Variants in ANKRD9 observed in about 807,000 individuals in gnomAD.
ANKRD9 encodes ankyrin repeat domain-containing protein 9.
In ANKRD9, 13 loss-of-function variants were observed where a neutral mutation model predicts 19.2. The observed-to-expected ratio is 0.68, with a 90% CI of 0.44 to 1.08. The LOEUF (loss-of-function observed/expected upper bound fraction) is 1.08. Ranked by LOEUF, ANKRD9 falls within the 50% of genes least tolerant of loss-of-function variation. ANKRD9 has a pLI of 0.00. For missense variants in ANKRD9, 518 were observed against 499.9 expected (o/e 1.04, Z -0.34); for synonymous variants, 278 against 256.8 (o/e 1.08, Z -0.79).
Position 102,507,569 on chromosome 14 carries a change from G to A in ANKRD9, c.321C>T (p.Phe107=). ...RRALAPPSAG[F]RCCAAPGPHV... The stretch of plus-strand genomic sequence containing the variant: ...GCGGCCCGGGAGCCGCGCAGCAGCG[G>A]AAGCCGGCACTGGGCGGTGCGAGCG... The change falls in exon 4 of 4, where the codon TTC becomes TTT. Residue 107 remains phenylalanine, a synonymous_variant. Transcript: ENST00000286918. This position sits in a 1 kb window ranked among gnomAD's most constrained non-coding sequence, Gnocchi z 9.2. 6 of 1,365,912 alleles carry A rather than the reference G, an allele frequency of 4.4e-6. No homozygotes were observed. The highest frequency in any genetic ancestry group is 5.7e-6 in the Non-Finnish European group (6 of 1,060,188). 84.6% of individuals were successfully genotyped at this position (1,365,912 alleles called of 1,614,324 possible).
In ANKRD9 at chr14:102,501,948, G is replaced by C. The variant is rs1011981191; in HGVS notation, c.*4988C>G. The C allele has an allele frequency of 6.6e-6, 1 of 152,244 alleles. No individual in the cohort carries two copies. The highest frequency in any genetic ancestry group is 1.5e-5 in the Non-Finnish European group (1 of 68,058). 9.4% of individuals were successfully genotyped at this position (152,244 alleles called of 1,614,324 possible). ...CCCTACTGGGGAAGCCGGTCCGTAC[G>C]TAGGCCTTGCATCTCGCCACCTCCA... is the stretch of plus-strand genomic sequence containing the variant. On this transcript the variant is annotated 3_prime_UTR_variant, in exon 4 of 4. Transcript: ENST00000286918.
At position 102,507,836 on chromosome 14, in the gene ANKRD9, G is replaced by C. The variant is rs762224370; in HGVS notation, c.54C>G (p.Ala18=). 3.8e-6 allele frequency: 5 copies of C among 1,318,644 alleles called. No homozygotes were observed. Among genetic ancestry groups the C allele is most frequent in the Non-Finnish European group, 4.9e-6 (5 of 1,018,700 alleles). 81.7% of individuals were successfully genotyped at this position (1,318,644 alleles called of 1,614,324 possible). A position where few individuals can be genotyped will look rare whatever the true frequency, so the allele number is the denominator to read the frequency against. The change falls in exon 4 of 4, where the codon GCC becomes GCG. Residue 18 remains alanine (A), a synonymous_variant. Coordinates refer to ENST00000286918, the MANE Select transcript of ANKRD9 (RefSeq NM_152326.4). This position sits in a 1 kb window ranked among gnomAD's most constrained non-coding sequence, Gnocchi z 9.2. The part of the protein sequence containing the change: ...PGGGADGGPE[A]SGAARSRAQK... Reference sequence around the variant, plus strand: ...GCGCTCGCGAGCGCGCCGCGCCCGAGGCCTCGGGCCCGCCGTCCGCGCCAC... The same window carrying C: ...GCGCTCGCGAGCGCGCCGCGCCCGACGCCTCGGGCCCGCCGTCCGCGCCAC...
rs1476652300 is a variant in ANKRD9 at position 102,507,852 on chromosome 14, T to G, written c.38A>C (p.Asp13Ala). The change falls in exon 4 of 4, where the codon GAC becomes GCC. Residue 13 changes from aspartate to alanine, a missense_variant. Physicochemically the swap from Asp to Ala is moderately radical, Grantham distance 126. Transcript: ENST00000286918. This position sits in a 1 kb window ranked among gnomAD's most constrained non-coding sequence, Gnocchi z 9.2. ...CGCGCCCGAGGCCTCGGGCCCGCCG[T>G]CCGCGCCACCCCCAGGCCGCCGCGC... ...WDARRPGGGA[D>A]GGPEASGAAR... is the part of the protein sequence containing the mutation. 5 of 1,235,576 alleles carry G rather than the reference T, an allele frequency of 4.0e-6. No individual in the cohort carries two copies. The highest frequency in any genetic ancestry group is 4.1e-6 in the Non-Finnish European group (4 of 974,818). The allele number at this position is 1,235,576 out of a possible 1,614,324, so 76.5% of individuals were successfully genotyped here.
rs763462832 is a variant in ANKRD9, at chr14:102,507,666, G to C, written c.224C>G (p.Ala75Gly). 1.9e-6 allele frequency: 3 copies of C among 1,554,008 alleles called. No individual in the cohort carries two copies. Among genetic ancestry groups the C allele is most frequent in the Admixed American group, 3.5e-5 (2 of 56,428 alleles). ...GRAAAYSPSE[A>G]LLYALVHDHQ... is the part of the protein sequence containing the mutation. The stretch of plus-strand genomic sequence containing the variant: ...GTCGTGCACGAGCGCGTAGAGCAGC[G>C]CCTCAGAGGGCGAGTAGGCGGCGGC... The change falls in exon 4 of 4, where the codon GCG (alanine) becomes GGG (glycine). Residue 75 changes from alanine to glycine, a missense_variant. Coordinates refer to ENST00000286918, the MANE Select transcript of ANKRD9 (RefSeq NM_152326.4). This position sits in a 1 kb window ranked among gnomAD's most constrained non-coding sequence, Gnocchi z 9.2.
chr14:102,507,567 C>T lies in ANKRD9; in HGVS notation c.323G>A (p.Arg108His), dbSNP rs1891650787. The change falls in exon 4 of 4, where the codon CGC becomes CAC. Residue 108 changes from arginine (R) to histidine (H), a missense_variant. Transcript: ENST00000286918. The surrounding 1 kb of genome is among the most constrained non-coding windows in gnomAD (Gnocchi z 9.2). ...RALAPPSAGF[R>H]CCAAPGPHVA... ...GTGCGGCCCGGGAGCCGCGCAGCAGCGGAAGCCGGCACTGGGCGGTGCGAG... is the reference window on the plus strand; with the variant it reads ...GTGCGGCCCGGGAGCCGCGCAGCAGTGGAAGCCGGCACTGGGCGGTGCGAG... 6.6e-6 allele frequency: 9 copies of T among 1,362,306 alleles called. No individual in the cohort carries two copies. The highest frequency in any genetic ancestry group is 4.8e-4 in the Middle Eastern group (2 of 4,156). The allele number at this position is 1,362,306 out of a possible 1,614,324, so 84.4% of individuals were successfully genotyped here.
chr14:102,507,098 C>T lies in ANKRD9; in HGVS notation c.792G>A (p.Glu264=), dbSNP rs1039341993. Residue 264 remains glutamate, a synonymous_variant, in exon 4 of 4, where the codon GAG becomes GAA. Coordinates refer to ENST00000286918, the MANE Select transcript of ANKRD9 (RefSeq NM_152326.4). The surrounding 1 kb of genome is among the most constrained non-coding windows in gnomAD (Gnocchi z 9.2). ...GGCCCGCCAGCCACTGGAACTTGTC[C>T]TCACCCAGCAGCCGCTGCCAGCGCG... is the stretch of plus-strand genomic sequence containing the variant. ...DRPRWQRLLG[E]DKFQWLAGLA... 2.0e-6 allele frequency: 3 copies of T among 1,536,636 alleles called. No homozygotes were observed. The highest frequency in any genetic ancestry group is 3.9e-5 in the Admixed American group (2 of 51,264).
chr14:102,507,525 C>A lies in ANKRD9; in HGVS notation c.365G>T (p.Arg122Leu). The stretch of plus-strand genomic sequence containing the variant: ...GCGCAGAATGCCCACGCGGTTGTAG[C>A]GCACTGCCAGCGCCACGTGCGGCCC... ...APGPHVALAV[R>L]YNRVGILRRI... The change falls in exon 4 of 4, where the codon CGC becomes CTC. Residue 122 changes from arginine to leucine, a missense_variant. Coordinates refer to ENST00000286918, the MANE Select transcript of ANKRD9 (RefSeq NM_152326.4). This position sits in a 1 kb window ranked among gnomAD's most constrained non-coding sequence, Gnocchi z 9.2. The A allele has an allele frequency of 7.4e-7, 1 of 1,349,612 alleles. No homozygotes were observed. Among genetic ancestry groups the A allele is most frequent in the African/African-American group, 1.6e-5 (1 of 64,468 alleles). The allele number at this position is 1,349,612 out of a possible 1,614,324, so 83.6% of individuals were successfully genotyped here. A position where few individuals can be genotyped will look rare whatever the true frequency, so the allele number is the denominator to read the frequency against.
chr14:102,509,744 G>A lies in ANKRD9; in HGVS notation c.-550C>T, dbSNP rs1337312011. 3 of 145,964 alleles carry A rather than the reference G, an allele frequency of 2.1e-5. No homozygotes were observed. Among genetic ancestry groups the A allele is most frequent in the Admixed American group, 6.8e-5 (1 of 14,704 alleles). 9.0% of individuals were successfully genotyped at this position (145,964 alleles called of 1,614,324 possible). A position where few individuals can be genotyped will look rare whatever the true frequency, so the allele number is the denominator to read the frequency against. On this transcript the variant is annotated 5_prime_UTR_variant, in exon 1 of 4. Transcript: ENST00000286918. ...CGGCGGCGGGCGGCGGGCGGCGGGC[G>A]GCGGGCGGCGCAGTGCGGCCCCGGC...
chr14:102,506,030 C>T lies in ANKRD9; in HGVS notation c.*906G>A, dbSNP rs1381110345. 5 of 150,576 alleles carry T rather than the reference C, an allele frequency of 3.3e-5. No individual in the cohort carries two copies. The highest frequency in any genetic ancestry group is 2.6e-4 in the Admixed American group (4 of 15,266). The allele number at this position is 150,576 out of a possible 1,614,324, so 9.3% of individuals were successfully genotyped here. A position where few individuals can be genotyped will look rare whatever the true frequency, so the allele number is the denominator to read the frequency against. Reference sequence around the variant, plus strand: ...AGTTGTGGTGAATTCGCAAACAAGTCTCCATCTCCAGAACCTTCCTGAAGA... The same window carrying T: ...AGTTGTGGTGAATTCGCAAACAAGTTTCCATCTCCAGAACCTTCCTGAAGA... On this transcript the variant is annotated 3_prime_UTR_variant, in exon 4 of 4. Transcript: ENST00000286918.
Position 102,507,673 on chromosome 14 carries a change from A to T in ANKRD9, c.217T>A (p.Ser73Thr). The part of the protein sequence containing the change: ...ERGRAAAYSP[S>T]EALLYALVHD... ...ACGAGCGCGTAGAGCAGCGCCTCAG[A>T]GGGCGAGTAGGCGGCGGCGCGCCCG... Residue 73 changes from serine (S) to threonine (T), a missense_variant, in exon 4 of 4, where the codon TCT becomes ACT. By Grantham distance (58) the Ser-to-Thr change is moderately conservative. Coordinates refer to ENST00000286918, the MANE Select transcript of ANKRD9 (RefSeq NM_152326.4). The surrounding 1 kb of genome is among the most constrained non-coding windows in gnomAD (Gnocchi z 9.2). The T allele has an allele frequency of 6.4e-7, 1 of 1,555,828 alleles. No individual in the cohort carries two copies. Among genetic ancestry groups the T allele is most frequent in the South Asian group, 1.1e-5 (1 of 87,180 alleles).
In ANKRD9 at chr14:102,507,929, C is replaced by A. The variant is rs1891668955; in HGVS notation, c.-40G>T. 1 of 1,099,494 alleles carries A rather than the reference C, an allele frequency of 9.1e-7. No homozygotes were observed. Among genetic ancestry groups the A allele is most frequent in the Admixed American group, 5.3e-5 (1 of 19,000 alleles). The allele number at this position is 1,099,494 out of a possible 1,614,324, so 68.1% of individuals were successfully genotyped here. A position where few individuals can be genotyped will look rare whatever the true frequency, so the allele number is the denominator to read the frequency against. The stretch of plus-strand genomic sequence containing the variant: ...GTTCCTGGGCCTCAAGGCATGGATC[C>A]CGCGAAGGCACACCTGCGGGGAAAG... On this transcript the variant is annotated 5_prime_UTR_variant, in exon 4 of 4. Coordinates refer to ENST00000286918, the MANE Select transcript of ANKRD9 (RefSeq NM_152326.4). This position sits in a 1 kb window ranked among gnomAD's most constrained non-coding sequence, Gnocchi z 9.2.
chr14:102,509,193 T>TC (rs1891711031), intron 1 of ANKRD9: 1 of 152,080 alleles, frequency 6.6e-6, no homozygotes, highest in African/African-American at 2.4e-5. Context: ...AGCCTGGGCC[T>TC]CCGGGCCCCA....
chr14:102,507,181 G>A lies in ANKRD9; in HGVS notation c.709C>T (p.Leu237=), dbSNP rs2139814021. ...CCGGCGGCACCCACGGGGGTGTACA[G>A]CGCCAGGAGGTCCAGCAGCAGCAGG... ...RRLLLLDLLA[L]YTPVGAAGSA... Residue 237 remains leucine (L), a synonymous_variant, in exon 4 of 4, where the codon CTG becomes TTG. Coordinates refer to ENST00000286918, the MANE Select transcript of ANKRD9 (RefSeq NM_152326.4). The surrounding 1 kb of genome is among the most constrained non-coding windows in gnomAD (Gnocchi z 9.2). 1.5e-6 allele frequency: 2 copies of A among 1,344,684 alleles called. No individual in the cohort carries two copies. The highest frequency in any genetic ancestry group is 3.6e-5 in the South Asian group (2 of 55,604). The allele number at this position is 1,344,684 out of a possible 1,614,324, so 83.3% of individuals were successfully genotyped here. A position where few individuals can be genotyped will look rare whatever the true frequency, so the allele number is the denominator to read the frequency against.
At position 102,506,505 on chromosome 14, in the gene ANKRD9, T is replaced by G. The variant is rs893486554; in HGVS notation, c.*431A>C. On this transcript the variant is annotated 3_prime_UTR_variant, in exon 4 of 4. Transcript: ENST00000286918. ...CCTCCCTGGCCCGGAGTCCACAGGG[T>G]GCAAAAGGCTGACCGCACAGGACCT... The G allele has an allele frequency of 6.2e-6, 1 of 160,354 alleles. No individual in the cohort carries two copies. The highest frequency in any genetic ancestry group is 2.4e-5 in the African/African-American group (1 of 41,782). The allele number at this position is 160,354 out of a possible 1,614,324, so 9.9% of individuals were successfully genotyped here.
At chr14:102,509,141 C>G (rs1446886055) in intron 1 of ANKRD9, 1 of 152,308 alleles carries the variant, frequency 6.6e-6, no homozygotes, top group African/African-American at 2.4e-5. Flanking sequence ...TGCGGGTAGG[C>G]TGTGGCCCGT....
rs1325051917 is a variant in ANKRD9, at chr14:102,507,094, T to C, written c.796A>G (p.Lys266Glu). The change falls in exon 4 of 4, where the codon AAG becomes GAG. Residue 266 changes from lysine to glutamate, a missense_variant. Lys to Glu is a moderately conservative substitution (Grantham distance 56, BLOSUM62 1). Transcript: ENST00000286918. This position sits in a 1 kb window ranked among gnomAD's most constrained non-coding sequence, Gnocchi z 9.2. The part of the protein sequence containing the change: ...PRWQRLLGED[K>E]FQWLAGLAPP... ...GCCAGGCCCGCCAGCCACTGGAACT[T>C]GTCCTCACCCAGCAGCCGCTGCCAG... 5.8e-6 allele frequency: 9 copies of C among 1,541,618 alleles called. No individual in the cohort carries two copies. Among genetic ancestry groups the C allele is most frequent in the Non-Finnish European group, 6.9e-6 (8 of 1,153,744 alleles).
chr14:102,502,430 T>TA lies in ANKRD9; in HGVS notation c.*4505dup, dbSNP rs1263964202. The TA allele has an allele frequency of 6.5e-6, 1 of 152,694 alleles. No homozygotes were observed. Among genetic ancestry groups the TA allele is most frequent in the Non-Finnish European group, 1.5e-5 (1 of 68,050 alleles). 9.5% of individuals were successfully genotyped at this position (152,694 alleles called of 1,614,324 possible). A position where few individuals can be genotyped will look rare whatever the true frequency, so the allele number is the denominator to read the frequency against. ...TGTATCCTTTGAATTTCCAGCCATG[T>TA]AAATGTATTATTTATTCCAAAAATA... On this transcript the variant is annotated 3_prime_UTR_variant, in exon 4 of 4. Transcript: ENST00000286918.
Position 102,504,368 on chromosome 14 carries a change from GCCA to G in ANKRD9, c.*2565_*2567del, listed in dbSNP as rs990337124. The G allele has an allele frequency of 6.5e-6, 1 of 153,860 alleles. No individual in the cohort carries two copies. Among genetic ancestry groups the G allele is most frequent in the Non-Finnish European group, 1.5e-5 (1 of 68,066 alleles). The allele number at this position is 153,860 out of a possible 1,614,324, so 9.5% of individuals were successfully genotyped here. A position where few individuals can be genotyped will look rare whatever the true frequency, so the allele number is the denominator to read the frequency against. Reference sequence around the variant, plus strand: ...TGCGTGGAGCGATTGCCTTTGGGAAGCCACCAAGGCCACCTGCCAACAGGCAAA... The same window carrying G: ...TGCGTGGAGCGATTGCCTTTGGGAAGCCAAGGCCACCTGCCAACAGGCAAA... On this transcript the variant is annotated 3_prime_UTR_variant, in exon 4 of 4. Coordinates refer to ENST00000286918, the MANE Select transcript of ANKRD9 (RefSeq NM_152326.4).
At chr14:102,509,380 G>C (rs1387852392) in intron 1 of ANKRD9, 149 bp downstream of exon 1, 2 of 151,926 alleles carry the variant, frequency 1.3e-5, no homozygotes, top group Non-Finnish European at 2.9e-5. Flanking sequence ...CGGCCTGCAC[G>C]GCCAGACGTC....
Sources: gnomAD v4.1 joint callset for allele counts on GRCh38, gnomAD v4.1.1 for gene constraint, Gnocchi (gnomAD v3.1) non-coding constraint, MANE v1.5 for transcripts, NCBI Gene and HGNC (gene_info 2026-07-23, HGNC 2026-07-21) for gene names.